KNDC1: variants seen among roughly 807,000 people sequenced by gnomAD.
KNDC1 encodes kinase non-catalytic C-lobe domain-containing protein 1.
A neutral mutation model predicts 172.8 loss-of-function variants in KNDC1; 106 were observed. The ratio of observed to expected loss-of-function variants is 0.61; its 90% CI spans 0.52 to 0.72. The LOEUF (loss-of-function observed/expected upper bound fraction) is 0.72. KNDC1 is among the 30% of genes least tolerant of loss of function. The pLI, the probability that KNDC1 is intolerant of heterozygous loss-of-function variation, is 0.00. For synonymous variants in KNDC1, 1,083 were observed against 1,062.2 expected (o/e 1.02, Z -0.38); for missense variants, 2,325 against 2,394.5 (o/e 0.97, Z 0.61).
chr10:133,197,594 G>A (rs1854230686), intron 11 of KNDC1, 81 bp from the exon 12 acceptor site: 6 of 1,045,632 alleles, frequency 5.7e-6, no homozygotes, highest in South Asian at 1.3e-5. Context: ...ACCGGCGGGT[G>A]GTGGGGGACG....
At chr10:133,181,289 T>C (rs755978580) in intron 3 of KNDC1, among the ~76,000 whole-genome samples, 3 of 152,224 alleles carry the variant, frequency 2.0e-5, no homozygotes, top group Non-Finnish European at 2.9e-5. Flanking sequence ...CAAACATGCA[T>C]GTCACAGGTC....
chr10:133,204,590 A>G (rs925769946), intron 17 of KNDC1, among the ~76,000 whole-genome samples: 1 of 152,240 alleles, frequency 6.6e-6, no homozygotes, highest in African/African-American at 2.4e-5. Flanking sequence ...GGGAGAAGAC[A>G]GCACAGGGAC....
At chr10:133,216,975 C>T (rs1042956695) in intron 26 of KNDC1, among the ~76,000 whole-genome samples, 3 of 152,234 alleles carry the variant, frequency 2.0e-5, no homozygotes, top group Admixed American at 6.5e-5. Flanking sequence ...CGCCTGGAGG[C>T]GCAAGATTCA....
intron 29 of KNDC1, among the ~76,000 whole-genome samples, chr10:133,220,868 G>A (rs375285002): frequency 3.3e-5 from 5 of 152,138 alleles, no homozygotes; most frequent in African/African-American, 1.2e-4. Flanking sequence ...GGCTCAGATG[G>A]GCGCATGCCC....
chr10:133,181,101 C>T (rs1399326194), intron 3 of KNDC1, among the ~76,000 whole-genome samples: 2 of 151,548 alleles, frequency 1.3e-5, no homozygotes, highest in African/African-American at 4.8e-5. Flanking sequence ...TGACGTCACA[C>T]GCGGCACCCA....
intron 9 of KNDC1, among the ~76,000 whole-genome samples, chr10:133,190,849 G>A (rs1037859390): frequency 6.6e-6 from 1 of 152,186 alleles, no homozygotes; most frequent in African/African-American, 2.4e-5. Flanking sequence ...AAGCTCTTAT[G>A]AGATTGTCTC....
At position 133,225,080 on chromosome 10, in the gene KNDC1, G is replaced by C; in HGVS notation, c.*190G>C. ...AGGCAGAGCTGGTCTCCTCCCAGCAGACGGAGCCAGGACGGGCACAAGAGT... is the reference window on the plus strand; with the variant it reads ...AGGCAGAGCTGGTCTCCTCCCAGCACACGGAGCCAGGACGGGCACAAGAGT... On this transcript the variant is annotated 3_prime_UTR_variant, in exon 30 of 30. Coordinates refer to ENST00000304613, the MANE Select transcript of KNDC1 (RefSeq NM_152643.8). 1 of 596,048 alleles carries C rather than the reference G, an allele frequency of 1.7e-6. No homozygotes were observed. The highest frequency in any genetic ancestry group is 2.8e-5 in the East Asian group (1 of 35,760). The allele number at this position is 596,048 out of a possible 1,614,324, so 36.9% of individuals were successfully genotyped here.
intron 16 of KNDC1, 25 bp from the exon 17 acceptor site, chr10:133,201,476 G>A (rs746316758): frequency 1.0e-5 from 16 of 1,566,862 alleles, no homozygotes; most frequent in African/African-American, 5.5e-5. Context: ...CACTGTCCAC[G>A]TAACCTGCGT....
At chr10:133,183,566 C>A in intron 4 of KNDC1, 76 bp downstream of exon 4, 1 of 1,442,298 alleles carries the variant, frequency 6.9e-7, no homozygotes, top group Non-Finnish European at 9.2e-7. Context: ...GCTCACCACA[C>A]CCACGCCCAG....
chr10:133,178,287 C>T (rs1443417477), intron 3 of KNDC1, among the ~76,000 whole-genome samples: 1 of 152,196 alleles, frequency 6.6e-6, no homozygotes, highest in Non-Finnish European at 1.5e-5. Context: ...GTCTGCAGCA[C>T]TGGATTGATC....
chr10:133,213,868 G>C, intron 25 of KNDC1, 104 bp from the exon 26 acceptor site: 2 of 1,485,444 alleles, frequency 1.3e-6, no homozygotes, highest in Middle Eastern at 1.8e-4. Context: ...CAGTTGGAGC[G>C]GCCTCGTGGC....
At chr10:133,206,803 C>G in intron 18 of KNDC1, 25 bp downstream of exon 18, 1 of 1,613,454 alleles carries the variant, frequency 6.2e-7, no homozygotes, top group Non-Finnish European at 8.5e-7. Flanking sequence ...GGCACAGGTC[C>G]GAGACCCTGG....
intron 3 of KNDC1, among the ~76,000 whole-genome samples, chr10:133,170,260 C>T (rs1389854542): frequency 2.6e-5 from 4 of 152,180 alleles, no homozygotes; most frequent in African/African-American, 4.8e-5. Context: ...GGCAGGTGGA[C>T]GTACATCTGT....
intron 9 of KNDC1, among the ~76,000 whole-genome samples, chr10:133,194,331 T>A (rs1854131529): frequency 6.6e-6 from 1 of 152,136 alleles, no homozygotes; most frequent in South Asian, 2.1e-4. Context: ...TTCAAGGAAA[T>A]TTTAAAAACA....
chr10:133,164,666 G>T (rs1276673789), intron 1 of KNDC1, among the ~76,000 whole-genome samples: 2 of 152,212 alleles, frequency 1.3e-5, no homozygotes, highest in Non-Finnish European at 2.9e-5. Flanking sequence ...CCCAGCTGTG[G>T]ACTTGAACCT....
rs1009687319 is a variant in KNDC1, at chr10:133,216,955, G to A, written c.4678-1876G>A. 7.2e-5 allele frequency among the ~76,000 whole-genome samples: 11 copies of A among 152,388 alleles called. 1 individual carries two copies. The South Asian group carries it at 1.4e-3, about 20-fold the overall frequency. On this transcript the variant is annotated intron_variant, in intron 26 of 29. Transcript: ENST00000304613. ...AAGCACGGACAGTGGACGGCTCCACGTACACGAGGCGCCTGGAGGCGCAAG... is the reference window on the plus strand; with the variant it reads ...AAGCACGGACAGTGGACGGCTCCACATACACGAGGCGCCTGGAGGCGCAAG...
chr10:133,203,663 A>T (rs928617066), intron 17 of KNDC1, among the ~76,000 whole-genome samples: 4 of 152,174 alleles, frequency 2.6e-5, no homozygotes, highest in Admixed American at 2.6e-4. Context: ...TGTTAAAACA[A>T]GCGTGGCTCC....
chr10:133,164,644 G>A (rs1024535424), intron 1 of KNDC1, among the ~76,000 whole-genome samples: 9 of 152,208 alleles, frequency 5.9e-5, no homozygotes, highest in African/African-American at 1.7e-4. Context: ...ACTTGAGCAC[G>A]AAGCTTCCTG....
At chr10:133,182,474 G>T (rs139615851) in intron 3 of KNDC1, among the ~76,000 whole-genome samples, 28 of 152,308 alleles carry the variant, frequency 1.8e-4, no homozygotes, top group Non-Finnish European at 4.0e-4. Flanking sequence ...TGAGCTGTGT[G>T]ACCTGCGATG....
Sources: gnomAD v4.1 joint callset for allele counts (sites outside exome capture counted in the v4.1 genomes callset) on GRCh38, gnomAD v4.1.1 for gene constraint, MANE v1.5 for transcripts, NCBI Gene and HGNC (gene_info 2026-07-23, HGNC 2026-07-21) for gene names.